The following GNA12 variants were observed in gnomAD, a reference collection of about 807,000 sequenced individuals.
GNA12 encodes G protein subunit alpha 12, also known as guanine nucleotide-binding protein subunit alpha-12.
In GNA12, 9 loss-of-function variants were observed where a neutral mutation model predicts 26.0. The ratio of observed to expected loss-of-function variants is 0.35; its 90% CI spans 0.21 to 0.60. The LOEUF is 0.60. Among genes scored for constraint, GNA12 ranks in the 20% least tolerant of loss-of-function variants. The pLI is 0.78. For synonymous variants in GNA12, 264 were observed against 219.6 expected, an observed-to-expected ratio of 1.20 and a Z score of -1.79; for missense variants, 405 against 525.8, an observed-to-expected ratio of 0.77 and a Z score of 2.25.
At chr7:2,829,563 T>C in intron 1 of GNA12, among the ~76,000 whole-genome samples, 1 of 152,248 alleles carries the variant, frequency 6.6e-6, no homozygotes, top group East Asian at 1.9e-4. Flanking sequence ...CTCATGTTAA[T>C]GCTTTCTCAT....
chr7:2,800,102 A>C (rs895352692), intron 1 of GNA12, among the ~76,000 whole-genome samples: 1 of 152,254 alleles, frequency 6.6e-6, no homozygotes, highest in African/African-American at 2.4e-5. Flanking sequence ...TCATAGCCCC[A>C]AACTGGAAGC....
rs140258521 is a variant in GNA12 at position 2,790,311 on chromosome 7, G to C, written c.525+4617C>G. 5.4e-3 allele frequency among the ~76,000 whole-genome samples: 817 copies of C among 152,274 alleles called. 3 individuals are homozygous for C. Among genetic ancestry groups the C allele is most frequent in the African/African-American group, 0.019 (773 of 41,540 alleles). On this transcript the variant is annotated intron_variant, in intron 2 of 3. Coordinates refer to ENST00000275364, the MANE Select transcript of GNA12 (RefSeq NM_007353.3). The stretch of plus-strand genomic sequence containing the variant: ...TGCCCAGGCTGCAATCAGTGCAGTG[G>C]CGCGATCTCAGCTCACTGTAGCCTG...
At chr7:2,758,033 C>A (rs547644244) in intron 2 of GNA12, among the ~76,000 whole-genome samples, 32 of 152,290 alleles carry the variant, frequency 2.1e-4, no homozygotes, top group African/African-American at 7.2e-4. Flanking sequence ...GTCTGGAAAA[C>A]CTCTTGCTTG....
intron 2 of GNA12, among the ~76,000 whole-genome samples, chr7:2,744,338 A>G (rs1164996474): frequency 2.0e-5 from 3 of 152,208 alleles, no homozygotes; most frequent in African/African-American, 7.2e-5. Flanking sequence ...AGGAACGATC[A>G]GGCAGCAGCA....
At position 2,822,133 on chromosome 7, in the gene GNA12, C is replaced by T. The variant is rs539266025; in HGVS notation, c.309+21720G>A. Among the ~76,000 whole-genome samples the T allele has an allele frequency of 3.3e-5, 5 of 152,358 alleles. No homozygotes were observed. The South Asian group carries it at 1.0e-3, about 32-fold the overall frequency. Reference sequence around the variant, plus strand: ...CTAAAAAACGTTAGAATGTGCTTAGCCTTCCCATTCTCTTTTAACTTTTTA... The same window carrying T: ...CTAAAAAACGTTAGAATGTGCTTAGTCTTCCCATTCTCTTTTAACTTTTTA... On this transcript the variant is annotated intron_variant, in intron 1 of 3. Coordinates refer to ENST00000275364, the MANE Select transcript of GNA12 (RefSeq NM_007353.3).
At chr7:2,822,096 T>C (rs1793382324) in intron 1 of GNA12, among the ~76,000 whole-genome samples, 3 of 152,224 alleles carry the variant, frequency 2.0e-5, no homozygotes, top group South Asian at 4.1e-4. Context: ...CAACATTTCT[T>C]AACAAACCTA....
At chr7:2,800,175 T>C (rs1430839841) in intron 1 of GNA12, among the ~76,000 whole-genome samples, 2 of 152,206 alleles carry the variant, frequency 1.3e-5, no homozygotes, top group Admixed American at 6.5e-5. Flanking sequence ...ACTACGGAAA[T>C]GCAACAACTT....
intron 1 of GNA12, among the ~76,000 whole-genome samples, chr7:2,817,034 T>C (rs1793233581): frequency 6.6e-6 from 1 of 152,250 alleles, no homozygotes; most frequent in South Asian, 2.1e-4. Context: ...ATGACCCTTT[T>C]AAAAACACAG....
At chr7:2,765,636 A>AT (rs1791777174) in intron 2 of GNA12, among the ~76,000 whole-genome samples, 1 of 140,400 alleles carries the variant, frequency 7.1e-6, no homozygotes, top group Non-Finnish European at 1.6e-5. Context: ...TCTTCTTTTT[A>AT]TTTTTTGCTT....
At chr7:2,828,690 T>C (rs1295234249) in intron 1 of GNA12, among the ~76,000 whole-genome samples, 1 of 152,230 alleles carries the variant, frequency 6.6e-6, no homozygotes, top group Non-Finnish European at 1.5e-5. Context: ...GACTTCAGTT[T>C]AGCAGGTGGT....
At chr7:2,737,376 C>T (rs1232644215) in intron 2 of GNA12, among the ~76,000 whole-genome samples, 1 of 142,092 alleles carries the variant, frequency 7.0e-6, no homozygotes, top group Non-Finnish European at 1.5e-5. Flanking sequence ...GCAACCTCTG[C>T]CTCCTGGGTT....
intron 1 of GNA12, among the ~76,000 whole-genome samples, chr7:2,839,029 A>T (rs1778916246): frequency 6.6e-6 from 1 of 152,248 alleles, no homozygotes; most frequent in African/African-American, 2.4e-5. Context: ...TGACACATGT[A>T]GAACATTCCG....
At chr7:2,753,129 T>TA (rs1256787006) in intron 2 of GNA12, among the ~76,000 whole-genome samples, 1 of 151,954 alleles carries the variant, frequency 6.6e-6, no homozygotes, top group Non-Finnish European at 1.5e-5. Context: ...AGAGTGTACT[T>TA]AAAGTGAAAC....
At chr7:2,836,453 G>A (rs1778841088) in intron 1 of GNA12, among the ~76,000 whole-genome samples, 1 of 152,194 alleles carries the variant, frequency 6.6e-6, no homozygotes, top group Admixed American at 6.5e-5. Flanking sequence ...TGAGTTCTCT[G>A]GGTGTCCTTA....
At chr7:2,772,328 G>A (rs966296725) in intron 2 of GNA12, among the ~76,000 whole-genome samples, 2 of 152,208 alleles carry the variant, frequency 1.3e-5, no homozygotes, top group African/African-American at 4.8e-5. Context: ...TGGGGAGGCA[G>A]AGGCAGGCGG....
At chr7:2,749,018 C>T (rs1790899703) in intron 2 of GNA12, among the ~76,000 whole-genome samples, 1 of 152,130 alleles carries the variant, frequency 6.6e-6, no homozygotes, top group African/African-American at 2.4e-5. Flanking sequence ...ACAACAGGTG[C>T]TGGAGAGGAT....
intron 2 of GNA12, among the ~76,000 whole-genome samples, chr7:2,742,479 C>T: frequency 6.6e-6 from 1 of 152,302 alleles, no homozygotes; most frequent in East Asian, 1.9e-4. Context: ...AGCCCTGCTC[C>T]TGTTTATCTC....
At chr7:2,737,064 T>G (rs798519) in intron 2 of GNA12, among the ~76,000 whole-genome samples, 87,027 of 151,858 alleles carry the variant, frequency 0.57, 25,307 homozygotes, top group Non-Finnish European at 0.63. Context: ...GGGTGTGCAT[T>G]AAAGACAGCC....
intron 2 of GNA12, among the ~76,000 whole-genome samples, chr7:2,769,664 T>C (rs1583265620): frequency 6.6e-6 from 1 of 151,280 alleles, no homozygotes; most frequent in South Asian, 2.1e-4. Flanking sequence ...ACCCGGGAGG[T>C]GGAGCTTGCA....
Sources: gnomAD v4.1 joint callset for allele counts (sites outside exome capture counted in the v4.1 genomes callset) on GRCh38, gnomAD v4.1.1 for gene constraint, MANE v1.5 for transcripts, NCBI Gene and HGNC (gene_info 2026-07-23, HGNC 2026-07-21) for gene names.